Variants in MBD5 observed in about 807,000 individuals in gnomAD.
The protein encoded by MBD5 is methyl-CpG-binding domain protein 5.
In MBD5, 13 loss-of-function variants were observed where a neutral mutation model predicts 117.3. That is an observed-to-expected ratio of 0.11 (90% confidence interval 0.07 to 0.18). MBD5 has a LOEUF of 0.18. Ranked by LOEUF, MBD5 falls within the 10% of genes least tolerant of loss-of-function variation. The pLI is 1.00. For missense variants in MBD5, 1,879 were observed against 2,093.8 expected, an observed-to-expected ratio of 0.90 and a Z score of 2.00; for synonymous variants, 727 against 766.4, an observed-to-expected ratio of 0.95 and a Z score of 0.85.
At chr2:148,357,803 T>G (rs1703424142) in intron 4 of MBD5, among the ~76,000 whole-genome samples, 1 of 152,084 alleles carries the variant, frequency 6.6e-6, no homozygotes, top group South Asian at 2.1e-4. Context: ...AAATATAAAA[T>G]TATGTTTTTA....
At chr2:148,211,814 T>C (rs1053528039) in intron 2 of MBD5, among the ~76,000 whole-genome samples, 2 of 152,190 alleles carry the variant, frequency 1.3e-5, no homozygotes, top group African/African-American at 4.8e-5. Flanking sequence ...GGTGTAATCA[T>C]GGATCAGTGC....
intron 2 of MBD5, among the ~76,000 whole-genome samples, chr2:148,184,252 G>A (rs551712255): frequency 4.1e-4 from 62 of 152,076 alleles, no homozygotes; most frequent in Non-Finnish European, 4.7e-4. Flanking sequence ...ACCTCAAGTG[G>A]TCCTCCCGCC....
At chr2:148,328,254 C>G (rs945169016) in intron 3 of MBD5, among the ~76,000 whole-genome samples, 1 of 152,172 alleles carries the variant, frequency 6.6e-6, no homozygotes, top group Non-Finnish European at 1.5e-5. Context: ...AGCTGTCAGA[C>G]AGGGACATTT....
rs1453018938 is a variant in MBD5, at chr2:148,403,506, G to T, written c.-556-54697G>T. On this transcript the variant is annotated intron_variant, in intron 4 of 13. Coordinates refer to ENST00000642680, the MANE Select transcript of MBD5 (RefSeq NM_001378120.1). ...TAATAGCTGTATTAATGTTCTTGTT[G>T]CTAATTCTAAAAATCTGTGTCAGTT... Among the ~76,000 whole-genome samples, 3 of 151,984 alleles carry T rather than the reference G, an allele frequency of 2.0e-5. No individual in the cohort carries two copies. The East Asian group carries it at 5.8e-4, about 29-fold the overall frequency.
chr2:148,060,132 CAAAAAAA>C (rs35925701), intron 1 of MBD5, among the ~76,000 whole-genome samples: 7 of 14,042 alleles, frequency 5.0e-4, no homozygotes, highest in South Asian at 8.2e-3. Context: ...ACAAAAAGTG[CAAAAAAA>C]AAAAAAAAAA....
intron 4 of MBD5, among the ~76,000 whole-genome samples, chr2:148,412,314 AAT>A (rs1000139277): frequency 2.1e-5 from 3 of 141,192 alleles, no homozygotes; most frequent in African/African-American, 8.3e-5. Context: ...AGAGAGAGAG[AAT>A]ATATATATGT....
chr2:148,490,172 G>A lies in MBD5; in HGVS notation c.4540G>A (p.Glu1514Lys). 6.2e-7 allele frequency: 1 copy of A among 1,614,110 alleles called. No homozygotes were observed. ...TATGATGAGTTTTAAGGAGAGACTA[G>A]AGAACACTGTGGAAAGATGTGCACA... ...RTMMSFKERL[E>K]NTVERCAHIN... Residue 1514 changes from glutamate (E) to lysine (K), a missense_variant, in exon 11 of 14, where the codon GAG (glutamate) becomes AAG (lysine). This residue lies in a region of MBD5 where 1,666 missense variants were observed against 1,792.2 expected (regional missense o/e 0.93). Transcript: ENST00000642680.
chr2:148,114,405 G>T (rs1696575111), intron 1 of MBD5, among the ~76,000 whole-genome samples: 3 of 152,164 alleles, frequency 2.0e-5, no homozygotes. Flanking sequence ...GGGAGGCAGA[G>T]GTTGCAGTGA....
In MBD5 at chr2:148,336,919, T is replaced by C. The variant is rs1702810981; in HGVS notation, c.-679-5295T>C. ...CACTGCCATGGTCCTTGCTGTAATT[T>C]CCAATTGTGAGAACCATGTATTCCT... On this transcript the variant is annotated intron_variant, in intron 3 of 13. Transcript: ENST00000642680. Among the ~76,000 whole-genome samples, 3 of 152,268 alleles carry C rather than the reference T, an allele frequency of 2.0e-5. No homozygotes were observed. In the South Asian group the frequency reaches 6.2e-4, roughly 32 times the overall value.
At chr2:148,258,763 T>A (rs1469669895) in intron 3 of MBD5, among the ~76,000 whole-genome samples, 1 of 152,206 alleles carries the variant, frequency 6.6e-6, no homozygotes, top group Non-Finnish European at 1.5e-5. Flanking sequence ...CCAGCCAAAA[T>A]CAAATCTATC....
chr2:148,057,920 A>G (rs1051211938), intron 1 of MBD5, among the ~76,000 whole-genome samples: 1 of 152,032 alleles, frequency 6.6e-6, no homozygotes, highest in African/African-American at 2.4e-5. Flanking sequence ...GGGTCATGCA[A>G]TAAGCACTAG....
At chr2:148,159,619 G>A (rs1202791678) in intron 1 of MBD5, among the ~76,000 whole-genome samples, 1 of 152,042 alleles carries the variant, frequency 6.6e-6, no homozygotes, top group Non-Finnish European at 1.5e-5. Context: ...GTATATATAT[G>A]TAATGCTTTT....
intron 1 of MBD5, among the ~76,000 whole-genome samples, chr2:148,085,819 A>G (rs1379122902): frequency 6.6e-6 from 1 of 152,238 alleles, no homozygotes; most frequent in Non-Finnish European, 1.5e-5. Context: ...GAGAATGGAA[A>G]TACTGATATA....
At chr2:148,407,339 AGT>A (rs34324249) in intron 4 of MBD5, among the ~76,000 whole-genome samples, 37,094 of 139,608 alleles carry the variant, frequency 0.27, 4,870 homozygotes, top group African/African-American at 0.36. Context: ...TGGCTTTCTG[AGT>A]GTGTGTGTGT....
intron 4 of MBD5, among the ~76,000 whole-genome samples, chr2:148,353,667 G>T (rs1054221165): frequency 6.6e-6 from 1 of 151,806 alleles, no homozygotes; most frequent in Admixed American, 6.6e-5. Flanking sequence ...TGCAACTTCC[G>T]CCTCCCAAGC....
chr2:148,408,221 G>A (rs555922009), intron 4 of MBD5, among the ~76,000 whole-genome samples: 1 of 152,256 alleles, frequency 6.6e-6, no homozygotes, highest in South Asian at 2.1e-4. Context: ...GTATCAGGTT[G>A]CCATGGAAAT....
At chr2:148,304,979 G>T (rs1460114794) in intron 3 of MBD5, among the ~76,000 whole-genome samples, 5 of 151,366 alleles carry the variant, frequency 3.3e-5, no homozygotes, top group South Asian at 2.1e-4. Flanking sequence ...GCAGGAGAAT[G>T]GCGTGAACCC....
At chr2:148,223,343 C>G (rs144111917) in intron 2 of MBD5, among the ~76,000 whole-genome samples, 84 of 151,864 alleles carry the variant, frequency 5.5e-4, no homozygotes, top group Non-Finnish European at 9.1e-4. Flanking sequence ...TATTGGTATT[C>G]ATTTTTTAAA....
intron 2 of MBD5, among the ~76,000 whole-genome samples, chr2:148,184,420 A>G (rs1698604013): frequency 6.6e-6 from 1 of 152,042 alleles, no homozygotes; most frequent in Admixed American, 6.6e-5. Flanking sequence ...GATTTCCTCA[A>G]ACTGATCTTT....
Sources: gnomAD v4.1 joint callset for allele counts (sites outside exome capture counted in the v4.1 genomes callset) on GRCh38, gnomAD v4.1.1 for gene constraint, gnomAD v4.1.1 regional missense constraint, MANE v1.5 for transcripts, NCBI Gene and HGNC (gene_info 2026-07-23, HGNC 2026-07-21) for gene names.